Variants in CEP295 observed in about 807,000 individuals in gnomAD.
CEP295 encodes centrosomal protein 295.
In CEP295, 190 loss-of-function variants were observed where a neutral mutation model predicts 291.6. The observed-to-expected ratio is 0.65, with a 90% CI of 0.58 to 0.73. The LOEUF is 0.73. Ranked by LOEUF, CEP295 falls within the 30% of genes least tolerant of loss-of-function variation. CEP295 has a pLI of 0.00. For synonymous variants in CEP295, 993 were observed against 1,038.8 expected, an observed-to-expected ratio of 0.96 and a Z score of 0.85; for missense variants, 2,863 against 2,949.4, an observed-to-expected ratio of 0.97 and a Z score of 0.68.
chr11:93,667,488 G>A, intron 2 of CEP295, 119 bp from the exon 3 acceptor site: 2 of 671,432 alleles, frequency 3.0e-6, no homozygotes, highest in Non-Finnish European at 5.0e-6. Context: ...TACAAGATGA[G>A]TATCAAAGAG....
At chr11:93,676,714 T>A (rs1174000110) in intron 6 of CEP295, among the ~76,000 whole-genome samples, 1 of 152,030 alleles carries the variant, frequency 6.6e-6, no homozygotes, top group Non-Finnish European at 1.5e-5. Flanking sequence ...TTTTTGTGAT[T>A]TGAAAAGATG....
In CEP295 at chr11:93,729,618, C is replaced by T. The variant is rs1487067898; in HGVS notation, c.7404C>T (p.Thr2468=). The T allele has an allele frequency of 1.3e-6, 2 of 1,550,216 alleles. No individual in the cohort carries two copies. Among genetic ancestry groups the T allele is most frequent in the African/African-American group, 1.4e-5 (1 of 72,920 alleles). The change falls in exon 27 of 30, where the codon ACC becomes ACT. Residue 2468 remains threonine, a synonymous_variant. Transcript: ENST00000325212. ...AAATTTCTTTTCCCCCAGCAGAAACCCCTCGCAGGCTTACACCTGTACCAG... is the reference window on the plus strand; with the variant it reads ...AAATTTCTTTTCCCCCAGCAGAAACTCCTCGCAGGCTTACACCTGTACCAG... ...IEKPRTASTE[T]PRRLTPVPGS... is the part of the protein sequence containing the mutation.
chr11:93,663,340 A>G (rs186633955), intron 1 of CEP295, among the ~76,000 whole-genome samples: 188 of 152,306 alleles, frequency 1.2e-3, no homozygotes, highest in African/African-American at 4.2e-3. Flanking sequence ...AGGCGCTTGT[A>G]ACTTTTATCA....
At position 93,727,268 on chromosome 11, in the gene CEP295, T is replaced by G. The variant is rs1037443364; in HGVS notation, c.6792T>G (p.Ser2264Arg). 6.4e-7 allele frequency: 1 copy of G among 1,551,776 alleles called. No individual in the cohort carries two copies. The highest frequency in any genetic ancestry group is 2.4e-5 in the East Asian group (1 of 40,906). Residue 2264 changes from serine to arginine, a missense_variant, in exon 24 of 30, where the codon AGT (serine) becomes AGG (arginine). Physicochemically the swap from Ser to Arg is moderately radical, Grantham distance 110. Around this residue, in one of 3 missense-constraint regions of CEP295, gnomAD observed 2,295 missense variants for 2,335.7 expected, o/e 0.98. Coordinates refer to ENST00000325212, the MANE Select transcript of CEP295 (RefSeq NM_033395.2). The part of the protein sequence containing the change: ...QHSTPCGSNS[S>R]ECSTKHQLES... ...GCACTCCATGTGGTTCTAACTCTAG[T>G]GAGTGCTCAACAAAACACCAACTAG...
At chr11:93,703,487 T>C (rs1278791837) in intron 17 of CEP295, among the ~76,000 whole-genome samples, 1 of 151,972 alleles carries the variant, frequency 6.6e-6, no homozygotes, top group Non-Finnish European at 1.5e-5. Flanking sequence ...TAGGCAAAAA[T>C]TTTTTGGTTT....
chr11:93,697,488 A>C lies in CEP295; in HGVS notation c.2576A>C (p.Lys859Thr), dbSNP rs910153286. 6.4e-7 allele frequency: 1 copy of C among 1,551,994 alleles called. No individual in the cohort carries two copies. The highest frequency in any genetic ancestry group is 1.4e-5 in the African/African-American group (1 of 73,178). Residue 859 changes from lysine to threonine, a missense_variant, in exon 15 of 30, where the codon AAA becomes ACA. Lys to Thr is a moderately conservative substitution (Grantham distance 78). Around this residue, in one of 3 missense-constraint regions of CEP295, gnomAD observed 2,295 missense variants for 2,335.7 expected, o/e 0.98. Coordinates refer to ENST00000325212, the MANE Select transcript of CEP295 (RefSeq NM_033395.2). ...ALQEQLDLQK[K>T]VLQATQEAQE... ...CAAGAACAGTTAGACCTACAGAAGAAAGTTCTTCAGGCAACTCAGGAAGCT... is the reference window on the plus strand; with the variant it reads ...CAAGAACAGTTAGACCTACAGAAGACAGTTCTTCAGGCAACTCAGGAAGCT...
At chr11:93,717,529 T>C (rs1288682051) in intron 18 of CEP295, among the ~76,000 whole-genome samples, 2 of 152,150 alleles carry the variant, frequency 1.3e-5, no homozygotes, top group African/African-American at 4.8e-5. Flanking sequence ...TATTGGATGT[T>C]GTCAGGAAGC....
Position 93,721,975 on chromosome 11 carries a change from C to G in CEP295, c.5872C>G (p.Pro1958Ala), listed in dbSNP as rs1953765902. 1 of 1,602,778 alleles carries G rather than the reference C, an allele frequency of 6.2e-7. No individual in the cohort carries two copies. The change falls in exon 20 of 30, where the codon CCA (proline) becomes GCA (alanine). Residue 1958 changes from proline to alanine, a missense_variant. By Grantham distance (27) the Pro-to-Ala change is conservative (BLOSUM62 -1). Coordinates refer to ENST00000325212, the MANE Select transcript of CEP295 (RefSeq NM_033395.2). ...CTAGGCTAAAACACTGTCTTATGAA[C>G]CATTATCTTCAGCAACTGTTTCCAC... ...DDKAKTLSYE[P>A]LSSATVSTGS...
Position 93,700,016 on chromosome 11 carries a change from T to G in CEP295, c.5104T>G (p.Leu1702Val). 1 of 1,551,840 alleles carries G rather than the reference T, an allele frequency of 6.4e-7. No individual in the cohort carries two copies. The highest frequency in any genetic ancestry group is 8.7e-7 in the Non-Finnish European group (1 of 1,147,012). ...ACTTTTGAGTTTTTCACAGTCTGTCTTAACTCAGCAAGATAACTTGGGACT... is the reference window on the plus strand; with the variant it reads ...ACTTTTGAGTTTTTCACAGTCTGTCGTAACTCAGCAAGATAACTTGGGACT... ...DRLLSFSQSV[L>V]TQQDNLGLQK... Residue 1702 changes from leucine (L) to valine (V), a missense_variant, in exon 15 of 30, where the codon TTA becomes GTA. This residue lies in a region of CEP295 where 2,295 missense variants were observed against 2,335.7 expected (regional missense o/e 0.98). Coordinates refer to ENST00000325212, the MANE Select transcript of CEP295 (RefSeq NM_033395.2).
In CEP295 at chr11:93,664,508, A is replaced by G. The variant is rs1950124408; in HGVS notation, c.-26-2174A>G. 2.0e-5 allele frequency among the ~76,000 whole-genome samples: 3 copies of G among 152,216 alleles called. No individual in the cohort carries two copies. In the South Asian group the frequency reaches 6.2e-4, roughly 31 times the overall value. ...TTAGATGAGTAGGATGCATTAAAAGATTTTTTTAATGCCAGCAGTTAGTCC... is the reference window on the plus strand; with the variant it reads ...TTAGATGAGTAGGATGCATTAAAAGGTTTTTTTAATGCCAGCAGTTAGTCC... On this transcript the variant is annotated intron_variant, in intron 1 of 29. Transcript: ENST00000325212.
At chr11:93,665,173 G>A (rs1363937881) in intron 1 of CEP295, among the ~76,000 whole-genome samples, 3 of 152,164 alleles carry the variant, frequency 2.0e-5, no homozygotes, top group African/African-American at 7.2e-5. Flanking sequence ...TTGTGAGGGA[G>A]ACCTGAGAAA....
At position 93,699,473 on chromosome 11, in the gene CEP295, T is replaced by G; in HGVS notation, c.4561T>G (p.Ser1521Ala). The G allele has an allele frequency of 2.6e-6, 4 of 1,551,764 alleles. No homozygotes were observed. Among genetic ancestry groups the G allele is most frequent in the Non-Finnish European group, 3.5e-6 (4 of 1,146,994 alleles). The change falls in exon 15 of 30, where the codon TCT becomes GCT. Residue 1521 changes from serine to alanine, a missense_variant. By Grantham distance (99) the Ser-to-Ala change is moderately conservative. Transcript: ENST00000325212. ...AGATACACAGAAGAAAGCCATTCGA[T>G]CTATACAGGAAGTCCAAGAAGAATT... ...QLDTQKKAIRSIQEVQEELLL... is the reference protein window; with the variant it reads ...QLDTQKKAIRAIQEVQEELLL...
chr11:93,668,827 T>A lies in CEP295; in HGVS notation c.329T>A (p.Leu110Ter). The change falls in exon 4 of 30, where the codon TTG (leucine) becomes TAG (stop). Residue 110 changes from leucine (L) to a stop codon, truncating the protein, a stop_gained. Coordinates refer to ENST00000325212, the MANE Select transcript of CEP295 (RefSeq NM_033395.2). LOFTEE classifies it high-confidence loss of function. ...AKENEPDLDA[L>*]AQRAAERKRK... Reference sequence around the variant, plus strand: ...TTTTAGGAACCTGATTTGGATGCTTTGGCACAGCGGGCAGCAGAAAGGAAA... The same window carrying A: ...TTTTAGGAACCTGATTTGGATGCTTAGGCACAGCGGGCAGCAGAAAGGAAA... 1 of 1,526,452 alleles carries A rather than the reference T, an allele frequency of 6.6e-7. No individual in the cohort carries two copies. Among genetic ancestry groups the A allele is most frequent in the Non-Finnish European group, 8.8e-7 (1 of 1,137,202 alleles). The allele number at this position is 1,526,452 out of a possible 1,614,324, so 94.6% of individuals were successfully genotyped here.
Position 93,725,683 on chromosome 11 carries a change from T to C in CEP295, c.6351T>C (p.Ala2117=). 1.3e-6 allele frequency: 2 copies of C among 1,550,448 alleles called. No individual in the cohort carries two copies. The highest frequency in any genetic ancestry group is 1.7e-6 in the Non-Finnish European group (2 of 1,146,788). The part of the protein sequence containing the change: ...RSDSSSESHC[A]TGLSKSTVYF... ...ATTCTTCATCTGAAAGCCACTGTGC[T>C]ACTGGATTATCCAAAAGTACAGTTT... The change falls in exon 23 of 30, where the codon GCT becomes GCC. Residue 2117 remains alanine, a synonymous_variant. Coordinates refer to ENST00000325212, the MANE Select transcript of CEP295 (RefSeq NM_033395.2).
chr11:93,703,335 G>A (rs553367060), intron 17 of CEP295, among the ~76,000 whole-genome samples: 63 of 150,934 alleles, frequency 4.2e-4, no homozygotes, highest in African/African-American at 1.3e-3. Context: ...AAAAAAAAAA[G>A]AAACCTAGAC....
At chr11:93,701,690 G>C (rs1288471800) in intron 15 of CEP295, among the ~76,000 whole-genome samples, 1 of 152,106 alleles carries the variant, frequency 6.6e-6, no homozygotes, top group Non-Finnish European at 1.5e-5. Context: ...TGCAACCTCT[G>C]ATTCCCTGGT....
At chr11:93,721,731 G>A (rs1371595053) in intron 19 of CEP295, 1 of 727,406 alleles carries the variant, frequency 1.4e-6, no homozygotes, top group African/African-American at 1.7e-5. Context: ...GATAACAGCT[G>A]TAGGAATGAA....
chr11:93,696,923 C>A lies in CEP295; in HGVS notation c.2011C>A (p.Gln671Lys), dbSNP rs1178403130. Residue 671 changes from glutamine to lysine, a missense_variant, in exon 15 of 30, where the codon CAA (glutamine) becomes AAA (lysine). By Grantham distance (53) the Gln-to-Lys change is moderately conservative. Coordinates refer to ENST00000325212, the MANE Select transcript of CEP295 (RefSeq NM_033395.2). The part of the protein sequence containing the change: ...IQPIQTSKLE[Q>K]DHFQVARQNH... ...ACCTATACAGACCTCCAAATTAGAA[C>A]AAGATCATTTTCAGGTAGCGAGACA... 1 of 1,551,998 alleles carries A rather than the reference C, an allele frequency of 6.4e-7. No individual in the cohort carries two copies. Among genetic ancestry groups the A allele is most frequent in the East Asian group, 2.4e-5 (1 of 40,898 alleles).
At chr11:93,690,556 C>G (rs1207892673) in intron 10 of CEP295, among the ~76,000 whole-genome samples, 7 of 121,328 alleles carry the variant, frequency 5.8e-5, no homozygotes, top group African/African-American at 2.3e-4. Flanking sequence ...GAGACTCTGT[C>G]TCACAAAAAA....
Sources: allele counts gnomAD v4.1 joint callset (sites outside exome capture counted in the v4.1 genomes callset), GRCh38; gene constraint gnomAD v4.1.1; regional missense constraint gnomAD v4.1.1; transcripts MANE v1.5; gene names NCBI Gene and HGNC (gene_info 2026-07-23, HGNC 2026-07-21).